Variants in ARHGAP8 observed in about 807,000 individuals in gnomAD.
ARHGAP8 encodes rho GTPase-activating protein 8.
Under a neutral mutation model 46.1 loss-of-function variants are expected in ARHGAP8, and 62 were observed. The observed-to-expected ratio is 1.34, with a 90% CI of 1.10 to 1.66. The LOEUF (loss-of-function observed/expected upper bound fraction) is 1.66. Ranked by LOEUF, ARHGAP8 falls within the 40% of genes most tolerant of loss-of-function variation. The pLI is 0.00. For synonymous variants in ARHGAP8, 375 were observed against 243.1 expected (o/e 1.54, Z -5.05); for missense variants, 923 against 568.4 (o/e 1.62, Z -6.34).
At position 44,859,776 on chromosome 22, in the gene ARHGAP8, G is replaced by C. The variant is rs148303608; in HGVS notation, c.923G>C (p.Arg308Pro). ...GTCACTGGCTGCCGCCAGATCTTAC[G>C]GAGCCTCCCAGAGCACAACTACGTC... ...LRVTGCRQILRSLPEHNYVVL... is the reference protein window; with the variant it reads ...LRVTGCRQILPSLPEHNYVVL... Residue 308 changes from arginine to proline, a missense_variant, in exon 11 of 12, where the codon CGG (arginine) becomes CCG (proline). Physicochemically the swap from Arg to Pro is moderately radical, Grantham distance 103. Coordinates refer to ENST00000356099, the MANE Select transcript of ARHGAP8 (RefSeq NM_181335.3). 3.7e-6 allele frequency: 6 copies of C among 1,614,098 alleles called. No homozygotes were observed. The South Asian group carries it at 4.4e-5, about 12-fold the overall frequency.
chr22:44,843,949 T>TA lies in ARHGAP8; in HGVS notation c.597-1315dup, dbSNP rs1931813488. 4.6e-5 allele frequency among the ~76,000 whole-genome samples: 7 copies of TA among 151,274 alleles called. No individual in the cohort carries two copies. In the South Asian group the frequency reaches 1.3e-3, roughly 27 times the overall value. On this transcript the variant is annotated intron_variant, in intron 7 of 11. Coordinates refer to ENST00000356099, the MANE Select transcript of ARHGAP8 (RefSeq NM_181335.3). The stretch of plus-strand genomic sequence containing the variant: ...AATGTAAAACTAGGGTCACTACAAA[T>TA]AAAAAGATACAGCATATATACATAG...
At chr22:44,770,292 G>A (rs1925903600) in intron 1 of ARHGAP8, among the ~76,000 whole-genome samples, 2 of 151,882 alleles carry the variant, frequency 1.3e-5, no homozygotes, top group Non-Finnish European at 2.9e-5. Context: ...AATTCTCCTT[G>A]TCTGCTGAGT....
chr22:44,786,988 C>T (rs1167709367), intron 2 of ARHGAP8, among the ~76,000 whole-genome samples: 2 of 141,368 alleles, frequency 1.4e-5, no homozygotes, highest in Non-Finnish European at 3.0e-5. Flanking sequence ...CACTGCACTC[C>T]AGCCTGGGTG....
chr22:44,800,057 G>A (rs960274474), intron 2 of ARHGAP8, among the ~76,000 whole-genome samples: 3 of 148,826 alleles, frequency 2.0e-5, no homozygotes, highest in Non-Finnish European at 4.5e-5. Context: ...TGCAGGCATG[G>A]AGGATGGTCT....
chr22:44,807,745 G>T (rs925033134), intron 3 of ARHGAP8, among the ~76,000 whole-genome samples: 2 of 152,164 alleles, frequency 1.3e-5, no homozygotes, highest in Non-Finnish European at 2.9e-5. Context: ...CGTGCTCCCT[G>T]GGAAGGGAGA....
chr22:44,790,468 A>G (rs1376795492), intron 2 of ARHGAP8, among the ~76,000 whole-genome samples: 1 of 151,818 alleles, frequency 6.6e-6, no homozygotes, highest in Non-Finnish European at 1.5e-5. Context: ...CTGAGGTCAG[A>G]AGTTCGAGAC....
At chr22:44,860,498 C>G (rs2070422112) in intron 11 of ARHGAP8, among the ~76,000 whole-genome samples, 1 of 151,900 alleles carries the variant, frequency 6.6e-6, no homozygotes, top group Non-Finnish European at 1.5e-5. Flanking sequence ...CCATATGTCA[C>G]TGGGTTTAGG....
intron 10 of ARHGAP8, among the ~76,000 whole-genome samples, chr22:44,857,670 G>A (rs73176180): frequency 0.12 from 17,727 of 152,130 alleles, 1,087 homozygotes; most frequent in Middle Eastern, 0.15. Context: ...CTGGGTATAG[G>A]GAAGGCGCCT....
At chr22:44,766,353 T>G (rs1031795600) in intron 1 of ARHGAP8, among the ~76,000 whole-genome samples, 7 of 151,872 alleles carry the variant, frequency 4.6e-5, no homozygotes, top group African/African-American at 1.7e-4. Context: ...CTTGCTGGAG[T>G]CTGACGGCCC....
chr22:44,811,299 C>T (rs1020240337), intron 4 of ARHGAP8, among the ~76,000 whole-genome samples: 2 of 152,224 alleles, frequency 1.3e-5, no homozygotes, highest in Non-Finnish European at 2.9e-5. Context: ...AGTGACAAAG[C>T]CAAAGGTAAC....
chr22:44,782,026 C>A (rs1024324481), intron 1 of ARHGAP8, among the ~76,000 whole-genome samples: 1 of 151,996 alleles, frequency 6.6e-6, no homozygotes, highest in Non-Finnish European at 1.5e-5. Context: ...GACTGAAATT[C>A]GTGTAACATT....
chr22:44,808,953 G>A, intron 4 of ARHGAP8: 2 of 386,426 alleles, frequency 5.2e-6, no homozygotes, highest in South Asian at 3.9e-5. Flanking sequence ...GAGTAGCTGG[G>A]ACTACAGGCG....
chr22:44,790,365 TTTAAA>T (rs67580387), intron 2 of ARHGAP8, among the ~76,000 whole-genome samples: 75,119 of 150,486 alleles, frequency 0.5, 19,285 homozygotes, highest in South Asian at 0.61. Context: ...AAAGGAAGAG[TTTAAA>T]TTAAGAGAAG....
chr22:44,808,809 CAA>C (rs139346657), intron 4 of ARHGAP8: 1,396 of 319,224 alleles, frequency 4.4e-3, no homozygotes, highest in South Asian at 0.011. Flanking sequence ...AGTAAAAATA[CAA>C]AAAAAAAAAA....
chr22:44,827,067 A>T (rs1341752357), intron 7 of ARHGAP8, among the ~76,000 whole-genome samples: 2 of 152,100 alleles, frequency 1.3e-5, no homozygotes, highest in African/African-American at 4.8e-5. Flanking sequence ...ATGGGAGGTT[A>T]TCTTGGGTTC....
At position 44,862,364 on chromosome 22, in the gene ARHGAP8, C is replaced by T. The variant is rs141245253; in HGVS notation, c.1071C>T (p.Val357=). 4.0e-5 allele frequency: 64 copies of T among 1,614,008 alleles called. No individual in the cohort carries two copies. Among genetic ancestry groups the T allele is most frequent in the Middle Eastern group, 3.3e-4 (2 of 6,084 alleles). ...ATTTGATCTGGCCATCCCAGGGGGT[C>T]TCCTCCCTGAGTGCCCTTGTGCCCC... ...GLNLIWPSQG[V]SSLSALVPLN... Residue 357 remains valine (V), a synonymous_variant, in exon 12 of 12, where the codon GTC becomes GTT. Coordinates refer to ENST00000356099, the MANE Select transcript of ARHGAP8 (RefSeq NM_181335.3).
intron 1 of ARHGAP8, among the ~76,000 whole-genome samples, chr22:44,768,287 G>C (rs552026237): frequency 1.8e-4 from 27 of 150,348 alleles, no homozygotes; most frequent in African/African-American, 6.6e-4. Flanking sequence ...GAGCCACCGC[G>C]TGCGGCCTCA....
At chr22:44,857,132 G>A (rs1601528106) in intron 10 of ARHGAP8, among the ~76,000 whole-genome samples, 1 of 144,176 alleles carries the variant, frequency 6.9e-6, no homozygotes, top group African/African-American at 2.8e-5. Context: ...TAGAGATGGG[G>A]TTTCTGCATG....
chr22:44,832,750 G>C (rs1279622255), intron 7 of ARHGAP8, among the ~76,000 whole-genome samples: 1 of 152,062 alleles, frequency 6.6e-6, no homozygotes, highest in Admixed American at 6.6e-5. Context: ...TTTATTGCCT[G>C]ATTATGCCTG....
Sources: gnomAD v4.1 joint callset for allele counts (sites outside exome capture counted in the v4.1 genomes callset) on GRCh38, gnomAD v4.1.1 for gene constraint, MANE v1.5 for transcripts, NCBI Gene and HGNC (gene_info 2026-07-23, HGNC 2026-07-21) for gene names.